Variants in CYP26B1 observed in about 807,000 individuals in gnomAD.
CYP26B1 encodes the protein cytochrome P450 family 26 subfamily B member 1, also known as cytochrome P450 26B1.
CYP26B1 carries 8 observed loss-of-function variants against 39.1 expected under a neutral mutation model. That is an observed-to-expected ratio of 0.20 (90% CI 0.12 to 0.37). The LOEUF (loss-of-function observed/expected upper bound fraction) is 0.37, where lower values mean the gene tolerates loss of function less well. CYP26B1 is among the 10% of genes least tolerant of loss of function. The probability of loss-of-function intolerance (pLI) is 1.00; values close to 1 mark genes in which losing one functional copy is unlikely to be tolerated. For missense variants in CYP26B1, 615 were observed against 707.0 expected (o/e 0.87, Z 1.48); for synonymous variants, 321 against 314.3 (o/e 1.02, Z -0.23).
chr2:72,130,788 CCT>C lies in CYP26B1; in HGVS notation c.*1437_*1438del, dbSNP rs1412835174. The C allele has an allele frequency of 1.3e-5, 2 of 152,124 alleles. No individual in the cohort carries two copies. Among genetic ancestry groups the C allele is most frequent in the Non-Finnish European group, 2.9e-5 (2 of 68,012 alleles). The allele number at this position is 152,124 out of a possible 1,614,324, so 9.4% of individuals were successfully genotyped here. On this transcript the variant is annotated 3_prime_UTR_variant, in exon 6 of 6. Transcript: ENST00000001146. Reference sequence around the variant, plus strand: ...ACTGGCCAGTTTTCAACCCAATCCCCCTGACAAACCGCACGTAGCCGCCTCTT... The same window carrying C: ...ACTGGCCAGTTTTCAACCCAATCCCCGACAAACCGCACGTAGCCGCCTCTT...
intron 4 of CYP26B1, among the ~76,000 whole-genome samples, chr2:72,133,962 A>G (rs1676678614): frequency 6.6e-6 from 1 of 152,216 alleles, no homozygotes; most frequent in Non-Finnish European, 1.5e-5. Flanking sequence ...GCTATCTCAT[A>G]GCACACCCTG....
rs542587645 is a variant in CYP26B1 at position 72,138,134 on chromosome 2, C to G, written c.430-2715G>C. Among the ~76,000 whole-genome samples, 3 of 152,088 alleles carry G rather than the reference C, an allele frequency of 2.0e-5. No individual in the cohort carries two copies. The South Asian group carries it at 6.2e-4, about 32-fold the overall frequency. On this transcript the variant is annotated intron_variant, in intron 2 of 5. Transcript: ENST00000001146. ...AGATGGGTGGAGGGCACACTGGCCC[C>G]AAGGGGCTGGGCTCAGAGGTCACCA...
At chr2:72,142,791 G>A (rs1479515661) in intron 2 of CYP26B1, among the ~76,000 whole-genome samples, 3 of 152,326 alleles carry the variant, frequency 2.0e-5, no homozygotes, top group South Asian at 2.1e-4. Context: ...TTCCAGCTAG[G>A]AGTGGGGCAG....
intron 2 of CYP26B1, among the ~76,000 whole-genome samples, chr2:72,138,087 G>A (rs1287365119): frequency 6.6e-6 from 1 of 152,186 alleles, no homozygotes; most frequent in African/African-American, 2.4e-5. Flanking sequence ...TGGAGAAACC[G>A]CCCAAATGAG....
In CYP26B1 at chr2:72,133,059, G is replaced by A. The variant is rs139076534; in HGVS notation, c.1110C>T (p.Gly370=). Residue 370 remains glycine, a synonymous_variant, in exon 5 of 6, where the codon GGC becomes GGT. Coordinates refer to ENST00000001146, the MANE Select transcript of CYP26B1 (RefSeq NM_019885.4). ...AGGTCTGCAGCACAGTGCGGTAGCC[G>A]CCGGAAATGGGCGTGAACAGGCGCA... ...EVMRLFTPIS[G]GYRTVLQTFE... 3.8e-4 allele frequency: 605 copies of A among 1,613,268 alleles called. No homozygotes were observed. Among genetic ancestry groups the A allele is most frequent in the Middle Eastern group, 1.3e-3 (8 of 6,062 alleles).
At chr2:72,141,987 C>A (rs1024888522) in intron 2 of CYP26B1, among the ~76,000 whole-genome samples, 1 of 152,130 alleles carries the variant, frequency 6.6e-6, no homozygotes, top group African/African-American at 2.4e-5. Flanking sequence ...TGGTGACTCC[C>A]CACCCACCCC....
At chr2:72,143,201 C>G (rs373077364) in intron 2 of CYP26B1, 6 of 154,148 alleles carry the variant, frequency 3.9e-5, no homozygotes, top group African/African-American at 1.4e-4. Context: ...TTAGGGCCCG[C>G]CCGCTGGCTC....
chr2:72,135,748 C>G (rs960059709), intron 2 of CYP26B1, among the ~76,000 whole-genome samples: 1 of 152,116 alleles, frequency 6.6e-6, no homozygotes, highest in Non-Finnish European at 1.5e-5. Flanking sequence ...GGAAGGCCAT[C>G]GAGGGAAAGC....
In CYP26B1 at chr2:72,132,255, G is replaced by A. The variant is rs1676605657; in HGVS notation, c.1511C>T (p.Thr504Met). The A allele has an allele frequency of 4.4e-6, 7 of 1,603,878 alleles. No homozygotes were observed. Among genetic ancestry groups the A allele is most frequent in the Non-Finnish European group, 5.1e-6 (6 of 1,175,566 alleles). The change falls in exon 6 of 6, where the codon ACG becomes ATG. Residue 504 changes from threonine (T) to methionine (M), a missense_variant. Thr to Met is a moderately conservative substitution (Grantham distance 81). Transcript: ENST00000001146. ...DSNQNEILPE[T>M]EAMLSATV ...GACTGTGGCGCTCAGCATGGCCTCC[G>A]TCTCCGGCAGGATCTCGTTCTGGTT...
chr2:72,134,365 TG>T (rs1553457018), intron 4 of CYP26B1, among the ~76,000 whole-genome samples: 1 of 82,446 alleles, frequency 1.2e-5, no homozygotes, highest in Non-Finnish European at 2.5e-5. Context: ...CTGAAAAGGC[TG>T]GGGGTGGGGG....
intron 5 of CYP26B1, 123 bp downstream of exon 5, chr2:72,132,900 G>A: frequency 2.0e-6 from 3 of 1,504,148 alleles, no homozygotes; most frequent in Non-Finnish European, 2.7e-6. Context: ...AAAGCTCCCT[G>A]AAAGCAAGCA....
At chr2:72,133,357 C>T (rs1024166098) in intron 4 of CYP26B1, 50 bp from the exon 5 acceptor site, 1 of 1,574,854 alleles carries the variant, frequency 6.3e-7, no homozygotes, top group Non-Finnish European at 8.6e-7. Flanking sequence ...TTCAGCCAGG[C>T]AGGGGCCGCC....
At position 72,144,283 on chromosome 2, in the gene CYP26B1, G is replaced by A. The variant is rs764378053; in HGVS notation, c.205-70C>T. On this transcript the variant is annotated intron_variant, in intron 1 of 5. Transcript: ENST00000001146. ...GAGGGCCCGCGAGGGAGGGGCGGCG[G>A]ACCCCAACCCGGGGTACAGTCACCT... 1.3e-5 allele frequency: 20 copies of A among 1,548,450 alleles called. No homozygotes were observed. In the African/African-American group the frequency reaches 2.5e-4, roughly 19 times the overall value.
intron 4 of CYP26B1, among the ~76,000 whole-genome samples, chr2:72,134,223 G>A (rs928757114): frequency 6.6e-6 from 1 of 151,996 alleles, no homozygotes; most frequent in Non-Finnish European, 1.5e-5. Context: ...GTGGGGATGG[G>A]CGAGTGAGCC....
At chr2:72,145,078 T>C (rs1422342800) in intron 1 of CYP26B1, among the ~76,000 whole-genome samples, 1 of 151,976 alleles carries the variant, frequency 6.6e-6, no homozygotes, top group Non-Finnish European at 1.5e-5. Context: ...CCACCCCACG[T>C]TAACCCTTCT....
chr2:72,134,562 T>G (rs1243211223), intron 4 of CYP26B1, among the ~76,000 whole-genome samples, 199 bp downstream of exon 4: 1 of 151,272 alleles, frequency 6.6e-6, no homozygotes, highest in East Asian at 2.0e-4. Flanking sequence ...GAAGGGAGGG[T>G]GCCCCACGGC....
At position 72,133,046 on chromosome 2, in the gene CYP26B1, C is replaced by T. The variant is rs1324374595; in HGVS notation, c.1123G>A (p.Val375Met). 1 of 1,613,256 alleles carries T rather than the reference C, an allele frequency of 6.2e-7. No individual in the cohort carries two copies. The change falls in exon 5 of 6, where the codon GTG becomes ATG. Residue 375 changes from valine to methionine, a missense_variant. Val to Met is a conservative substitution (Grantham distance 21, BLOSUM62 1). Transcript: ENST00000001146. The part of the protein sequence containing the change: ...FTPISGGYRT[V>M]LQTFELDGFQ... ...ACATCAAGCTCGAAGGTCTGCAGCA[C>T]AGTGCGGTAGCCGCCGGAAATGGGC...
rs1676602594 is a variant in CYP26B1 at position 72,132,200 on chromosome 2, G to A, written c.*27C>T. The A allele has an allele frequency of 6.3e-7, 1 of 1,590,264 alleles. No individual in the cohort carries two copies. Among genetic ancestry groups the A allele is most frequent in the Non-Finnish European group, 8.6e-7 (1 of 1,169,380 alleles). On this transcript the variant is annotated 3_prime_UTR_variant, in exon 6 of 6. Transcript: ENST00000001146. ...CCACAACCACCACCCCGCTGCCTGG[G>A]CTGGGCTGAGGCGGGTGGGTCTTGG...
intron 5 of CYP26B1, 106 bp from the exon 6 acceptor site, chr2:72,132,725 C>T: frequency 1.3e-6 from 2 of 1,498,086 alleles, no homozygotes; most frequent in East Asian, 2.5e-5. Flanking sequence ...CAAGACCTGC[C>T]TTTTCTTAGA....
Sources: gnomAD v4.1 joint callset for allele counts (sites outside exome capture counted in the v4.1 genomes callset) on GRCh38, gnomAD v4.1.1 for gene constraint, MANE v1.5 for transcripts, NCBI Gene and HGNC (gene_info 2026-07-23, HGNC 2026-07-21) for gene names.